The following DPP6 variants were observed in gnomAD, a reference collection of about 807,000 sequenced individuals.
The protein encoded by DPP6 is dipeptidyl peptidase like 6.
A neutral mutation model predicts 122.6 loss-of-function variants in DPP6; 69 were observed. The observed-to-expected ratio is 0.56, with a 90% CI of 0.46 to 0.69. The LOEUF (loss-of-function observed/expected upper bound fraction) is 0.69. Ranked by LOEUF, DPP6 falls within the 30% of genes least tolerant of loss-of-function variation. The pLI is 0.00. For missense variants in DPP6, 928 were observed against 1,116.9 expected (o/e 0.83, Z 2.41); for synonymous variants, 418 against 433.1 (o/e 0.97, Z 0.43).
chr7:154,458,688 T>C (rs913400139), intron 2 of DPP6, among the ~76,000 whole-genome samples: 3 of 152,228 alleles, frequency 2.0e-5, no homozygotes, highest in Non-Finnish European at 4.4e-5. Flanking sequence ...TTGCCACTTT[T>C]ACGGTGGCCA....
rs560495077 is a variant in DPP6, at chr7:154,674,552, A to T, written c.762+5111A>T. On this transcript the variant is annotated intron_variant, in intron 7 of 25. Coordinates refer to ENST00000377770, the MANE Select transcript of DPP6 (RefSeq NM_130797.4). Reference sequence around the variant, plus strand: ...TGTGCAGCATTAGGCAACATTAAGAATTCAAAGCCGGAATCTTTGCTGGTA... The same window carrying T: ...TGTGCAGCATTAGGCAACATTAAGATTTCAAAGCCGGAATCTTTGCTGGTA... 2.6e-5 allele frequency among the ~76,000 whole-genome samples: 4 copies of T among 152,362 alleles called. No individual in the cohort carries two copies. In the South Asian group the frequency reaches 8.3e-4, roughly 32 times the overall value.
chr7:154,121,674 T>C (rs1277361293), intron 1 of DPP6, among the ~76,000 whole-genome samples: 1 of 152,228 alleles, frequency 6.6e-6, no homozygotes, highest in Non-Finnish European at 1.5e-5. Context: ...TTAAAAATTA[T>C]GAAGACTTGT....
chr7:154,016,439 G>A lies in DPP6; in HGVS notation c.51+128705G>A, dbSNP rs527391926. ...CAGAGAAGCCAAGTAACTGGTATGCGTAGTAATAAAACATCTCAATAAAGA... is the reference window on the plus strand; with the variant it reads ...CAGAGAAGCCAAGTAACTGGTATGCATAGTAATAAAACATCTCAATAAAGA... On this transcript the variant is annotated intron_variant, in intron 1 of 25. Coordinates refer to the DPP6 transcript ENST00000404039. 2.0e-3 allele frequency among the ~76,000 whole-genome samples: 304 copies of A among 151,176 alleles called. 2 individuals are homozygous for A. The highest frequency in any genetic ancestry group is 6.7e-3 in the African/African-American group (277 of 41,160).
At chr7:154,457,967 T>A (rs1586330990) in intron 2 of DPP6, among the ~76,000 whole-genome samples, 3 of 143,498 alleles carry the variant, frequency 2.1e-5, no homozygotes, top group Admixed American at 1.4e-4. Context: ...AAACTTAGAG[T>A]ATAATAAAAA....
chr7:154,168,196 G>A (rs1441592538), intron 1 of DPP6, among the ~76,000 whole-genome samples: 4 of 152,182 alleles, frequency 2.6e-5, no homozygotes, highest in African/African-American at 9.7e-5. Context: ...TGAAGACCAT[G>A]ACACCTTAGA....
chr7:153,936,881 A>G (rs1320133478), intron 1 of DPP6, among the ~76,000 whole-genome samples: 1 of 152,130 alleles, frequency 6.6e-6, no homozygotes, highest in African/African-American at 2.4e-5. Flanking sequence ...CAGGGATGGT[A>G]CGCTTCTGTC....
At chr7:154,372,177 C>T (rs1376022708) in intron 1 of DPP6, among the ~76,000 whole-genome samples, 1 of 152,160 alleles carries the variant, frequency 6.6e-6, no homozygotes, top group African/African-American at 2.4e-5. Flanking sequence ...GGATCACATT[C>T]TCCAGGCAGA....
intron 16 of DPP6, 120 bp downstream of exon 16, chr7:154,807,232 C>T (rs1798759439): frequency 2.8e-6 from 4 of 1,403,854 alleles, no homozygotes; most frequent in Middle Eastern, 4.5e-4. Flanking sequence ...TATTCCAGAA[C>T]AGGTGAGGAT....
At chr7:154,059,863 C>CG (rs1801423275) in intron 1 of DPP6, among the ~76,000 whole-genome samples, 1 of 149,682 alleles carries the variant, frequency 6.7e-6, no homozygotes, top group Non-Finnish European at 1.5e-5. Context: ...GATGGCCCCC[C>CG]TATTTGACGG....
chr7:154,052,210 C>A (rs1461286310), upstream of DPP6, among the ~76,000 whole-genome samples: 1 of 151,948 alleles, frequency 6.6e-6, no homozygotes, highest in African/African-American at 2.4e-5. The surrounding 1 kb of genome is among the most constrained non-coding windows in gnomAD (Gnocchi z 4.8). Context: ...GGTCCCAGCC[C>A]CTCCACCCTC....
chr7:154,045,769 C>A (rs765045008), intron 1 of DPP6, among the ~76,000 whole-genome samples: 3 of 152,198 alleles, frequency 2.0e-5, no homozygotes, highest in Non-Finnish European at 2.9e-5. Flanking sequence ...CATTATCAGT[C>A]GGATAATTTG....
At chr7:154,774,938 G>C (rs753322512) in intron 10 of DPP6, among the ~76,000 whole-genome samples, 1 of 152,206 alleles carries the variant, frequency 6.6e-6, no homozygotes, top group African/African-American at 2.4e-5. Flanking sequence ...TCACGGCTGA[G>C]GTCAGAGTTT....
At position 153,927,798 on chromosome 7, in the gene DPP6, G is replaced by A. The variant is rs138106045; in HGVS notation, c.51+40064G>A. On this transcript the variant is annotated intron_variant, in intron 1 of 25. Transcript: ENST00000404039. ...GATAGCTAAACGATGGGGGCTCCTGGAGGGTGGGGCTTTCAGGTAAGGCAT... is the reference window on the plus strand; with the variant it reads ...GATAGCTAAACGATGGGGGCTCCTGAAGGGTGGGGCTTTCAGGTAAGGCAT... 7.2e-4 allele frequency among the ~76,000 whole-genome samples: 109 copies of A among 152,264 alleles called. 1 individual carries two copies. Among genetic ancestry groups the A allele is most frequent in the South Asian group, 2.5e-3 (12 of 4,814 alleles).
chr7:154,366,959 T>C (rs527912283), intron 1 of DPP6, among the ~76,000 whole-genome samples: 1 of 152,332 alleles, frequency 6.6e-6, no homozygotes, highest in South Asian at 2.1e-4. Flanking sequence ...GAAAACGTTC[T>C]GATTTTGTTG....
the DPP6 span, among the ~76,000 whole-genome samples, chr7:153,776,294 C>T: frequency 6.6e-6 from 1 of 152,088 alleles, no homozygotes; most frequent in African/African-American, 2.4e-5. Context: ...TGGGAGGGAC[C>T]TCGTGGGAGG....
intron 1 of DPP6, among the ~76,000 whole-genome samples, chr7:154,305,717 G>A (rs1806280143): frequency 6.6e-6 from 1 of 152,086 alleles, no homozygotes; most frequent in African/African-American, 2.4e-5. Context: ...CCACCAAGCT[G>A]GGAGGAGACG....
intron 3 of DPP6, among the ~76,000 whole-genome samples, chr7:154,485,458 C>A (rs1000641575): frequency 1.3e-4 from 20 of 152,194 alleles, no homozygotes; most frequent in Non-Finnish European, 2.2e-4. Flanking sequence ...ATGTCTCTGA[C>A]TATTTTCGTG....
At chr7:154,704,201 C>A (rs1379658302) in intron 7 of DPP6, among the ~76,000 whole-genome samples, 1 of 152,150 alleles carries the variant, frequency 6.6e-6, no homozygotes. Flanking sequence ...ATAAAAACAG[C>A]AAGATAACTA....
At chr7:154,313,712 T>TATATATATATATATATATATGCATAC (rs1554515587) in intron 1 of DPP6, among the ~76,000 whole-genome samples, 1 of 24,914 alleles carries the variant, frequency 4.0e-5, no homozygotes, top group Admixed American at 5.0e-4. Flanking sequence ...TATATATATA[T>TATATATATATATATATATATGCATAC]ATACACACAC....
Sources: allele counts gnomAD v4.1 joint callset (sites outside exome capture counted in the v4.1 genomes callset), GRCh38; gene constraint gnomAD v4.1.1; non-coding constraint Gnocchi (gnomAD v3.1); transcripts MANE v1.5; gene names NCBI Gene and HGNC (gene_info 2026-07-23, HGNC 2026-07-21).